MAP4K5: variants seen among roughly 807,000 people sequenced by gnomAD.
MAP4K5 encodes the protein mitogen-activated protein kinase kinase kinase kinase 5.
In MAP4K5, 82 loss-of-function variants were observed where a neutral mutation model predicts 135.6. That is an observed-to-expected ratio of 0.60 (90% confidence interval 0.51 to 0.73). The LOEUF (loss-of-function observed/expected upper bound fraction) is 0.73. MAP4K5 is among the 30% of genes least tolerant of loss of function. MAP4K5 has a pLI of 0.00. For synonymous variants in MAP4K5, 347 were observed against 335.0 expected (o/e 1.04, Z -0.39); for missense variants, 907 against 1,010.9 (o/e 0.90, Z 1.39).
intron 3 of MAP4K5, among the ~76,000 whole-genome samples, chr14:50,496,977 T>G (rs930937026): frequency 6.6e-6 from 1 of 152,210 alleles, no homozygotes; most frequent in East Asian, 1.9e-4. Context: ...TTTTCTGTAT[T>G]AGTAAGTACT....
At chr14:50,483,116 T>C (rs891664796) in intron 5 of MAP4K5, 3 of 152,180 alleles carry the variant, frequency 2.0e-5, no homozygotes, top group South Asian at 2.1e-4. Flanking sequence ...CATAAAGAGA[T>C]TGACTATCCA....
chr14:50,486,263 C>T, intron 3 of MAP4K5, 69 bp from the exon 4 acceptor site: 1 of 596,944 alleles, frequency 1.7e-6, no homozygotes, highest in South Asian at 2.2e-5. Flanking sequence ...GGAAGGAAAA[C>T]TTTACAATAA....
chr14:50,514,069 ATTGTT>A (rs2037982652), intron 2 of MAP4K5, among the ~76,000 whole-genome samples: 2 of 151,962 alleles, frequency 1.3e-5, no homozygotes, highest in African/African-American at 4.8e-5. Flanking sequence ...TTTCTCTGTT[ATTGTT>A]TTGTTTTGTT....
chr14:50,537,825 T>C (rs2038513782), intron 2 of MAP4K5, among the ~76,000 whole-genome samples: 1 of 152,260 alleles, frequency 6.6e-6, no homozygotes, highest in African/African-American at 2.4e-5. Flanking sequence ...CCAATGCCTG[T>C]ACTCCCAGTG....
intron 28 of MAP4K5, among the ~76,000 whole-genome samples, chr14:50,430,466 T>C (rs2035944781): frequency 6.6e-6 from 1 of 152,172 alleles, no homozygotes; most frequent in Admixed American, 6.6e-5. Flanking sequence ...ACGCATTCAT[T>C]GTATGACTTT....
intron 21 of MAP4K5, among the ~76,000 whole-genome samples, chr14:50,441,350 G>C (rs1283152805): frequency 6.6e-6 from 1 of 152,128 alleles, no homozygotes; most frequent in Admixed American, 6.6e-5. Context: ...AACATCACTA[G>C]TATTTGGACA....
rs770411370 is a variant in MAP4K5, at chr14:50,444,050, T to C, written c.1340-14A>G. 5.2e-6 allele frequency: 8 copies of C among 1,547,228 alleles called. No individual in the cohort carries two copies. Among genetic ancestry groups the C allele is most frequent in the Non-Finnish European group, 7.1e-6 (8 of 1,129,786 alleles). ...CATCACCATTTCCTAAAGAGAATCA[T>C]GTTAAAAGTTGAATGACCACACAAA... On this transcript the variant is annotated splice_polypyrimidine_tract_variant and intron_variant, in intron 18 of 32. Transcript: ENST00000682126.
intron 9 of MAP4K5, among the ~76,000 whole-genome samples, chr14:50,471,147 T>A (rs1434146849): frequency 6.6e-6 from 1 of 152,106 alleles, no homozygotes; most frequent in Non-Finnish European, 1.5e-5. Flanking sequence ...CAGCATCCAT[T>A]AGCTATTCTT....
chr14:50,514,088 G>GT (rs2037983009), intron 2 of MAP4K5, among the ~76,000 whole-genome samples: 1 of 151,938 alleles, frequency 6.6e-6, no homozygotes, highest in Non-Finnish European at 1.5e-5. Context: ...TTTTGTTTTT[G>GT]TTTTTTTGAG....
chr14:50,426,097 T>C, intron 30 of MAP4K5, 120 bp from the exon 31 acceptor site: 1 of 526,442 alleles, frequency 1.9e-6, no homozygotes, highest in Non-Finnish European at 3.3e-6. Flanking sequence ...AATTCCACTG[T>C]CTAGACCACG....
chr14:50,425,979 T>G lies in MAP4K5; in HGVS notation c.2327-2A>C, dbSNP rs865841947. 2 of 1,591,426 alleles carry G rather than the reference T, an allele frequency of 1.3e-6. No homozygotes were observed. Among genetic ancestry groups the G allele is most frequent in the Middle Eastern group, 3.3e-4 (2 of 6,020 alleles). On this transcript the variant is annotated splice_acceptor_variant, in intron 30 of 32. Transcript: ENST00000682126. LOFTEE classifies it high-confidence loss of function. ...CCAACACACTGTCTTGAAGGCATAC[T>G]AAAAATGATAAGGGAGAAGTGAAAC...
At chr14:50,460,876 G>A (rs1181643120) in intron 13 of MAP4K5, among the ~76,000 whole-genome samples, 1 of 151,960 alleles carries the variant, frequency 6.6e-6, no homozygotes, top group Non-Finnish European at 1.5e-5. Flanking sequence ...TATGATGCTG[G>A]GCAAATTACT....
chr14:50,476,199 T>G (rs1034558621), intron 7 of MAP4K5, 29 bp from the exon 8 acceptor site: 3 of 1,480,928 alleles, frequency 2.0e-6, no homozygotes, highest in African/African-American at 2.8e-5. Context: ...TACAATTAAA[T>G]TAGCATCATA....
chr14:50,552,264 T>C (rs1298406169), intron 1 of MAP4K5, among the ~76,000 whole-genome samples: 2 of 142,856 alleles, frequency 1.4e-5, no homozygotes, highest in South Asian at 2.3e-4. Context: ...TTACAACAGC[T>C]GCAAAAAAAA....
intron 32 of MAP4K5, 22 bp downstream of exon 32, chr14:50,423,099 A>C: frequency 7.6e-7 from 1 of 1,323,038 alleles, no homozygotes; most frequent in Admixed American, 1.9e-5. Flanking sequence ...TGGTAATTAA[A>C]TTAATACAAC....
At chr14:50,533,557 G>A (rs2038450830), upstream of MAP4K5, among the ~76,000 whole-genome samples, 1 of 152,156 alleles carries the variant, frequency 6.6e-6, no homozygotes, top group Non-Finnish European at 1.5e-5. Flanking sequence ...GTCTTGCTCT[G>A]AAGGTAGAAA....
Position 50,420,994 on chromosome 14 carries a change from G to T in MAP4K5, c.2454-888C>A, listed in dbSNP as rs1467324214. Among the ~76,000 whole-genome samples the T allele has an allele frequency of 3.3e-5, 5 of 152,004 alleles. No individual in the cohort carries two copies. In the South Asian group the frequency reaches 6.2e-4, roughly 19 times the overall value. ...GCAGAGAAAAAAGTTTCTAGAGGAG[G>T]AATGGGAGAAAAAAAACTGCACATA... On this transcript the variant is annotated intron_variant, in intron 32 of 32. Transcript: ENST00000682126.
chr14:50,434,243 TAC>T, intron 28 of MAP4K5, 149 bp downstream of exon 28: 3 of 593,956 alleles, frequency 5.1e-6, no homozygotes, highest in Non-Finnish European at 8.7e-6. Flanking sequence ...ATCATAAATA[TAC>T]GTACACGGTT....
intron 18 of MAP4K5, 123 bp downstream of exon 18, chr14:50,444,918 A>G: frequency 9.2e-7 from 1 of 1,090,412 alleles, no homozygotes; most frequent in Non-Finnish European, 1.3e-6. Flanking sequence ...TTGACTAAAT[A>G]AAAAAGATAT....
Sources: gnomAD v4.1 joint callset for allele counts (sites outside exome capture counted in the v4.1 genomes callset) on GRCh38, gnomAD v4.1.1 for gene constraint, MANE v1.5 for transcripts, NCBI Gene and HGNC (gene_info 2026-07-23, HGNC 2026-07-21) for gene names.